Variants in SEC23A observed in about 807,000 individuals in gnomAD.
The protein encoded by SEC23A is SEC23 homolog A, COPII component.
A neutral mutation model predicts 103.7 loss-of-function variants in SEC23A; 56 were observed. The ratio of observed to expected loss-of-function variants is 0.54; its 90% CI spans 0.44 to 0.67. The LOEUF (loss-of-function observed/expected upper bound fraction) is 0.67, where lower values mean the gene tolerates loss of function less well. Among genes scored for constraint, SEC23A ranks in the 30% least tolerant of loss-of-function variants. SEC23A has a pLI of 0.00. For synonymous variants in SEC23A, 281 were observed against 293.0 expected, an observed-to-expected ratio of 0.96 and a Z score of 0.42; for missense variants, 784 against 936.4, an observed-to-expected ratio of 0.84 and a Z score of 2.12.
In SEC23A at chr14:39,041,052, TAATA is replaced by T. The variant is rs964528620; in HGVS notation, c.1987-169_1987-166del. On this transcript the variant is annotated intron_variant, in intron 17 of 19. Coordinates refer to ENST00000307712, the MANE Select transcript of SEC23A (RefSeq NM_006364.4). ...ACAATTTCAGTAGAGAAAATATTCT[TAATA>T]AATATAAAATTAGAATATTTCTTCT... The T allele has an allele frequency of 2.2e-5, 14 of 644,268 alleles. No individual in the cohort carries two copies. In the Admixed American group the frequency reaches 2.2e-4, roughly 10 times the overall value. The allele number at this position is 644,268 out of a possible 1,614,324, so 39.9% of individuals were successfully genotyped here. A position where few individuals can be genotyped will look rare whatever the true frequency, so the allele number is the denominator to read the frequency against.
chr14:39,087,184 C>G (rs758780974), intron 5 of SEC23A, among the ~76,000 whole-genome samples, 176 bp from the exon 6 acceptor site: 1 of 152,124 alleles, frequency 6.6e-6, no homozygotes, highest in Non-Finnish European at 1.5e-5. Context: ...AAAACAATAA[C>G]ACAAAATAAT....
chr14:39,094,444 T>TATA (rs1887816834), intron 2 of SEC23A, among the ~76,000 whole-genome samples: 1 of 12,120 alleles, frequency 8.3e-5, no homozygotes, highest in Non-Finnish European at 1.3e-4. Context: ...ATATATATAT[T>TATA]TTTTTTTTTT....
intron 14 of SEC23A, among the ~76,000 whole-genome samples, chr14:39,052,377 C>G (rs1886097613): frequency 6.6e-6 from 1 of 151,704 alleles, no homozygotes; most frequent in Non-Finnish European, 1.5e-5. Context: ...TAAAAGAGAA[C>G]AATTCTAGAC....
chr14:39,074,766 T>A (rs113793265), intron 8 of SEC23A, among the ~76,000 whole-genome samples: 5 of 152,314 alleles, frequency 3.3e-5, no homozygotes, highest in African/African-American at 1.2e-4. Context: ...GAAGCCAAAC[T>A]TAAAGAAAGT....
chr14:39,051,706 G>GT (rs1886064636), intron 14 of SEC23A, among the ~76,000 whole-genome samples: 1 of 152,108 alleles, frequency 6.6e-6, no homozygotes, highest in South Asian at 2.1e-4. Context: ...GTTCATACCT[G>GT]TAATCCCAGT....
chr14:39,073,089 A>T (rs1266781383), intron 9 of SEC23A, among the ~76,000 whole-genome samples: 2 of 152,212 alleles, frequency 1.3e-5, no homozygotes, highest in Non-Finnish European at 2.9e-5. Flanking sequence ...TGGAAATGAA[A>T]TGTTCATTAA....
chr14:39,093,852 C>G (rs1887749774), intron 2 of SEC23A, among the ~76,000 whole-genome samples: 1 of 152,072 alleles, frequency 6.6e-6, no homozygotes, highest in African/African-American at 2.4e-5. Flanking sequence ...AACATCTACA[C>G]TCAGACCTAG....
At position 39,093,096 on chromosome 14, in the gene SEC23A, T is replaced by C. The variant is rs776195290; in HGVS notation, c.279+91A>G. Reference sequence around the variant, plus strand: ...GTTAGCCAGGATGGTCTCAATCTCCTGACCTCGTGATCCACCCGCCTCGGC... The same window carrying C: ...GTTAGCCAGGATGGTCTCAATCTCCCGACCTCGTGATCCACCCGCCTCGGC... On this transcript the variant is annotated intron_variant, in intron 3 of 19. Transcript: ENST00000307712. The C allele has an allele frequency of 5.0e-5, 49 of 983,206 alleles. 1 individual carries two copies. In the South Asian group the frequency reaches 6.3e-4, roughly 13 times the overall value. The allele number at this position is 983,206 out of a possible 1,614,324, so 60.9% of individuals were successfully genotyped here. A position where few individuals can be genotyped will look rare whatever the true frequency, so the allele number is the denominator to read the frequency against.
chr14:39,069,807 A>G (rs28445192), intron 9 of SEC23A, among the ~76,000 whole-genome samples: 2,183 of 151,968 alleles, frequency 0.014, 74 homozygotes, highest in African/African-American at 0.049. Context: ...CACTTGGAAC[A>G]CTCTTACTTC....
intron 13 of SEC23A, among the ~76,000 whole-genome samples, chr14:39,058,401 G>A (rs56333870): frequency 0.043 from 6,609 of 152,020 alleles, 195 homozygotes; most frequent in Non-Finnish European, 0.067. Flanking sequence ...TCCGCTTCCC[G>A]GGTTCACGCC....
intron 13 of SEC23A, among the ~76,000 whole-genome samples, chr14:39,057,564 A>G (rs1425509510): frequency 2.0e-5 from 3 of 152,086 alleles, no homozygotes; most frequent in African/African-American, 7.2e-5. Context: ...TGAGGGTCTC[A>G]CTATGTTGCC....
Position 39,048,034 on chromosome 14 carries a change from T to C in SEC23A, c.1737+618A>G, listed in dbSNP as rs1885904086. Among the ~76,000 whole-genome samples the C allele has an allele frequency of 3.3e-5, 5 of 152,350 alleles. No individual in the cohort carries two copies. The South Asian group carries it at 1.0e-3, about 32-fold the overall frequency. ...GGTAAAATAACCTCAGATGAAGTCC[T>C]TCTGGTACCACTATAATTAGGTCCC... is the stretch of plus-strand genomic sequence containing the variant. On this transcript the variant is annotated intron_variant, in intron 15 of 19. Transcript: ENST00000307712.
intron 5 of SEC23A, among the ~76,000 whole-genome samples, chr14:39,087,244 T>C (rs548648401): frequency 5.3e-5 from 8 of 152,272 alleles, no homozygotes; most frequent in African/African-American, 1.7e-4. Flanking sequence ...AGAGGAGGCA[T>C]ATTAGCTCAA....
intron 1 of SEC23A, among the ~76,000 whole-genome samples, chr14:39,098,236 C>A (rs1282159834): frequency 6.6e-6 from 1 of 152,018 alleles, no homozygotes. Context: ...TCAAACTCCA[C>A]CGTAACATAG....
intron 13 of SEC23A, among the ~76,000 whole-genome samples, chr14:39,055,751 A>T (rs1489043650): frequency 1.3e-5 from 2 of 152,248 alleles, no homozygotes; most frequent in Non-Finnish European, 2.9e-5. Context: ...GCTCAAAGGA[A>T]TGTGCTCTGG....
rs1421666578 is a variant in SEC23A, at chr14:39,094,395, CACATATATATAT to C, written c.222-1163_222-1152del. Among the ~76,000 whole-genome samples, 40 of 11,116 alleles carry C rather than the reference CACATATATATAT, an allele frequency of 3.6e-3. 8 individuals carry two copies. The highest frequency in any genetic ancestry group is 0.015 in the East Asian group (3 of 206). 7.3% of individuals were successfully genotyped at this position (11,116 alleles called of 152,430 possible). On this transcript the variant is annotated intron_variant, in intron 2 of 19. Transcript: ENST00000307712. ...ATATACACACACACACACACACACA[CACATATATATAT>C]ATATATATATATATATATATATATA...
intron 7 of SEC23A, among the ~76,000 whole-genome samples, chr14:39,080,009 T>G (rs965051121): frequency 6.6e-6 from 1 of 152,084 alleles, no homozygotes; most frequent in Non-Finnish European, 1.5e-5. Flanking sequence ...TTCTGGGTAT[T>G]TGAGATAATA....
chr14:39,065,637 T>C (rs1333149616), intron 10 of SEC23A, among the ~76,000 whole-genome samples: 1 of 152,172 alleles, frequency 6.6e-6, no homozygotes, highest in Non-Finnish European at 1.5e-5. Context: ...ACAATGCTGA[T>C]TCTCACCTCT....
chr14:39,095,020 G>GA, intron 2 of SEC23A: 1 of 699,114 alleles, frequency 1.4e-6, no homozygotes, highest in South Asian at 1.5e-5. Flanking sequence ...ACAGACTGCT[G>GA]AAAGACAAGA....
Sources: allele counts gnomAD v4.1 joint callset (sites outside exome capture counted in the v4.1 genomes callset), GRCh38; gene constraint gnomAD v4.1.1; transcripts MANE v1.5; gene names NCBI Gene and HGNC (gene_info 2026-07-23, HGNC 2026-07-21).